TPCN1: variants seen among roughly 807,000 people sequenced by gnomAD.
TPCN1 encodes the protein two pore segment channel 1, also known as two pore channel protein 1.
A neutral mutation model predicts 108.8 loss-of-function variants in TPCN1; 52 were observed. The observed-to-expected ratio is 0.48, with a 90% CI of 0.38 to 0.60. The LOEUF is 0.60. Ranked by LOEUF, TPCN1 falls within the 20% of genes least tolerant of loss-of-function variation. The probability of loss-of-function intolerance (pLI) is 0.00; values close to 1 mark genes in which losing one functional copy is unlikely to be tolerated. For synonymous variants in TPCN1, 446 were observed against 433.7 expected, an observed-to-expected ratio of 1.03 and a Z score of -0.35; for missense variants, 806 against 1,072.8, an observed-to-expected ratio of 0.75 and a Z score of 3.47.
At chr12:113,222,344 C>G (rs973624152) in intron 1 of TPCN1, among the ~76,000 whole-genome samples, 1 of 152,182 alleles carries the variant, frequency 6.6e-6, no homozygotes, top group East Asian at 1.9e-4. Flanking sequence ...CTTCAATTTC[C>G]TCATTCCTAA....
intron 2 of TPCN1, among the ~76,000 whole-genome samples, chr12:113,257,531 G>C (rs540881222): frequency 5.9e-5 from 9 of 152,038 alleles, no homozygotes; most frequent in Non-Finnish European, 1.3e-4. Flanking sequence ...CATATCAACA[G>C]TTGGTGGAGA....
In TPCN1 at chr12:113,272,565, G is replaced by A. The variant is rs541380464; in HGVS notation, c.749-93G>A. On this transcript the variant is annotated intron_variant, in intron 7 of 27. Coordinates refer to ENST00000335509, the MANE Select transcript of TPCN1 (RefSeq NM_017901.6). This position sits in a 1 kb window ranked among gnomAD's most constrained non-coding sequence, Gnocchi z 4.1. The stretch of plus-strand genomic sequence containing the variant: ...CCTGCTGCTCTTCCTGACCTGCTGC[G>A]TTCATTTGCATGTATTTGTCCAGTC... 37 of 1,167,492 alleles carry A rather than the reference G, an allele frequency of 3.2e-5. No individual in the cohort carries two copies. The highest frequency in any genetic ancestry group is 3.8e-4 in the Middle Eastern group (2 of 5,216). 72.3% of individuals were successfully genotyped at this position (1,167,492 alleles called of 1,614,324 possible). A position where few individuals can be genotyped will look rare whatever the true frequency, so the allele number is the denominator to read the frequency against.
intron 2 of TPCN1, chr12:113,260,166 A>T: frequency 2.0e-6 from 1 of 487,850 alleles, no homozygotes; most frequent in Non-Finnish European, 3.4e-6. Flanking sequence ...TGCTTTTTTC[A>T]CTTATCAAGA....
At chr12:113,295,861 C>A in intron 27 of TPCN1, 99 bp from the exon 28 acceptor site, 1 of 1,336,596 alleles carries the variant, frequency 7.5e-7, no homozygotes. Context: ...GCAGCCCTGC[C>A]CCTTCCAGCC....
chr12:113,254,612 G>C (rs1012169382), intron 2 of TPCN1, among the ~76,000 whole-genome samples: 11 of 152,180 alleles, frequency 7.2e-5, no homozygotes, highest in African/African-American at 2.4e-4. Context: ...GGGTCCAGAA[G>C]TATTTCCGAT....
chr12:113,266,260 C>T lies in TPCN1; in HGVS notation c.318C>T (p.His106=). The T allele has an allele frequency of 6.2e-7, 1 of 1,614,076 alleles. No homozygotes were observed. The highest frequency in any genetic ancestry group is 8.5e-7 in the Non-Finnish European group (1 of 1,180,036). The part of the protein sequence containing the change: ...ALAAYLFAHN[H]LFYLMELATA... ...CGGCCTACCTCTTTGCACACAATCA[C>T]CTCTTCTACCTGATGGAGCTGGCCA... Residue 106 remains histidine, a synonymous_variant, in exon 4 of 28, where the codon CAC becomes CAT. Coordinates refer to ENST00000335509, the MANE Select transcript of TPCN1 (RefSeq NM_017901.6). The surrounding 1 kb of genome is among the most constrained non-coding windows in gnomAD (Gnocchi z 4.2).
intron 13 of TPCN1, 116 bp from the exon 14 acceptor site, chr12:113,278,656 T>C: frequency 1.2e-6 from 1 of 808,124 alleles, no homozygotes; most frequent in Non-Finnish European, 2.1e-6. Context: ...CCCTGAAGGT[T>C]AACATTGTTC....
At chr12:113,227,063 T>G (rs1953497948) in intron 2 of TPCN1, 99 bp downstream of exon 2, 1 of 996,396 alleles carries the variant, frequency 1.0e-6, no homozygotes, top group Non-Finnish European at 1.5e-6. Flanking sequence ...GTGTGTAACT[T>G]GTTGCCTGGC....
At position 113,232,236 on chromosome 12, in the gene TPCN1, A is replaced by T. The variant is rs1286581744; in HGVS notation, c.112+5272A>T. 6.6e-6 allele frequency among the ~76,000 whole-genome samples: 1 copy of T among 152,194 alleles called. No homozygotes were observed. The highest frequency in any genetic ancestry group is 1.5e-5 in the Non-Finnish European group (1 of 68,030). ...GCTGACCTCTCCCTCCTTCACGCCG[A>T]TGCCTGGCACATCATCTGGAGTTCC... On this transcript the variant is annotated intron_variant, in intron 2 of 27. Transcript: ENST00000335509. The surrounding 1 kb of genome is among the most constrained non-coding windows in gnomAD (Gnocchi z 5.6).
intron 2 of TPCN1, chr12:113,245,919 C>T (rs1208493276): frequency 2.2e-6 from 1 of 455,928 alleles, no homozygotes. Flanking sequence ...CAGGACGCTG[C>T]TGCATGCTGT....
chr12:113,278,757 C>T lies in TPCN1; in HGVS notation c.1234-15C>T. 6.2e-7 allele frequency: 1 copy of T among 1,613,528 alleles called. No homozygotes were observed. The highest frequency in any genetic ancestry group is 1.1e-5 in the South Asian group (1 of 91,036). Reference sequence around the variant, plus strand: ...TGGCCCTGACACCCTCCCTCTTGGTCCTGTTGTCTACCAGGCCAAGAAAAA... The same window carrying T: ...TGGCCCTGACACCCTCCCTCTTGGTTCTGTTGTCTACCAGGCCAAGAAAAA... On this transcript the variant is annotated splice_polypyrimidine_tract_variant and intron_variant, in intron 13 of 27. Transcript: ENST00000335509.
At chr12:113,246,307 C>T (rs994618656) in intron 2 of TPCN1, among the ~76,000 whole-genome samples, 5 of 152,218 alleles carry the variant, frequency 3.3e-5, no homozygotes, top group South Asian at 2.1e-4. Flanking sequence ...TGCAAGGCTG[C>T]GCCTGTCCTC....
chr12:113,285,671 T>C (rs1389440539), intron 17 of TPCN1, among the ~76,000 whole-genome samples: 3 of 152,236 alleles, frequency 2.0e-5, no homozygotes, highest in African/African-American at 7.2e-5. Flanking sequence ...CCCCTATGCC[T>C]GGCCAGTTTC....
At chr12:113,280,102 G>A in intron 14 of TPCN1, 49 bp from the exon 15 acceptor site, 1 of 1,413,530 alleles carries the variant, frequency 7.1e-7, no homozygotes, top group South Asian at 1.2e-5. Flanking sequence ...ATACAGTAGG[G>A]GGAACAAGTG....
At chr12:113,230,788 G>GC (rs1953659256) in intron 2 of TPCN1, among the ~76,000 whole-genome samples, 1 of 152,170 alleles carries the variant, frequency 6.6e-6, no homozygotes, top group South Asian at 2.1e-4. Flanking sequence ...ATAGCTCAGT[G>GC]CCCACAATAT....
intron 2 of TPCN1, among the ~76,000 whole-genome samples, chr12:113,239,491 A>G (rs1003473948): frequency 6.6e-6 from 1 of 152,210 alleles, no homozygotes; most frequent in East Asian, 1.9e-4. Flanking sequence ...TTCTACACAT[A>G]TTCTGGGCAC....
Position 113,290,261 on chromosome 12 carries a change from C to A in TPCN1, c.1912+18C>A, listed in dbSNP as rs1281225094. 103 of 1,524,064 alleles carry A rather than the reference C, an allele frequency of 6.8e-5. No individual in the cohort carries two copies. The highest frequency in any genetic ancestry group is 9.1e-5 in the Non-Finnish European group (101 of 1,113,102). The allele number at this position is 1,524,064 out of a possible 1,614,324, so 94.4% of individuals were successfully genotyped here. On this transcript the variant is annotated intron_variant, in intron 22 of 27. Coordinates refer to ENST00000335509, the MANE Select transcript of TPCN1 (RefSeq NM_017901.6). ...CAGCTTTGGTGAGTGGGAAAAATCA[C>A]AGGGGGCACATTCCCTGGGGACCCC...
In TPCN1 at chr12:113,287,074, G is replaced by A. The variant is rs1432056208; in HGVS notation, c.1614G>A (p.Leu538=). ...NMEPFYFIVV[L]RPLQLLRLFK... ...AGCCCTTCTATTTCATCGTGGTCCT[G>A]CGCCCCCTCCAGCTGCTGAGGTGAT... The change falls in exon 19 of 28, where the codon CTG becomes CTA. Residue 538 remains leucine, a synonymous_variant. Coordinates refer to ENST00000335509, the MANE Select transcript of TPCN1 (RefSeq NM_017901.6). 2 of 1,613,726 alleles carry A rather than the reference G, an allele frequency of 1.2e-6. No individual in the cohort carries two copies. Among genetic ancestry groups the A allele is most frequent in the Non-Finnish European group, 1.7e-6 (2 of 1,179,920 alleles).
chr12:113,252,711 T>G (rs1954691795), intron 2 of TPCN1, among the ~76,000 whole-genome samples: 1 of 152,210 alleles, frequency 6.6e-6, no homozygotes, highest in African/African-American at 2.4e-5. Context: ...CGCAGCTCCA[T>G]CCAGCTGCTT....
Sources: allele counts gnomAD v4.1 joint callset (sites outside exome capture counted in the v4.1 genomes callset), GRCh38; gene constraint gnomAD v4.1.1; non-coding constraint Gnocchi (gnomAD v3.1); transcripts MANE v1.5; gene names NCBI Gene and HGNC (gene_info 2026-07-23, HGNC 2026-07-21).